Variants in TENM2 observed in about 807,000 individuals in gnomAD.
TENM2 encodes the protein teneurin-2.
Under a neutral mutation model 245.2 loss-of-function variants are expected in TENM2, and 52 were observed. The ratio of observed to expected loss-of-function variants is 0.21; its 90% CI spans 0.17 to 0.27. The LOEUF is 0.27. Among genes scored for constraint, TENM2 ranks in the 10% least tolerant of loss-of-function variants. TENM2 has a pLI of 1.00. For synonymous variants in TENM2, 1,363 were observed against 1,438.9 expected (o/e 0.95, Z 1.19); for missense variants, 3,046 against 3,666.8 (o/e 0.83, Z 4.37).
At chr5:167,517,097 G>T (rs1274996369) in intron 2 of TENM2, among the ~76,000 whole-genome samples, 2 of 152,134 alleles carry the variant, frequency 1.3e-5, no homozygotes, top group Admixed American at 1.3e-4. Context: ...ACTAGGAAAG[G>T]CTATAGAGGG....
At chr5:167,529,052 G>A (rs1051820676) in intron 2 of TENM2, among the ~76,000 whole-genome samples, 1 of 152,088 alleles carries the variant, frequency 6.6e-6, no homozygotes, top group African/African-American at 2.4e-5. Flanking sequence ...TCTAATAATG[G>A]TAAAGATAAT....
chr5:168,234,748 A>G (rs1765264299), intron 25 of TENM2, among the ~76,000 whole-genome samples: 1 of 152,244 alleles, frequency 6.6e-6, no homozygotes, highest in Non-Finnish European at 1.5e-5. Context: ...TGTAAAGGAA[A>G]GCATATAACC....
intron 2 of TENM2, among the ~76,000 whole-genome samples, chr5:167,676,523 T>G (rs1756340935): frequency 6.6e-6 from 1 of 152,088 alleles, no homozygotes; most frequent in African/African-American, 2.4e-5. Context: ...CAAAGCAATA[T>G]GGCAAGTATA....
chr5:167,795,676 G>T (rs1765267829), intron 2 of TENM2, among the ~76,000 whole-genome samples: 1 of 151,766 alleles, frequency 6.6e-6, no homozygotes, highest in Admixed American at 6.6e-5. Context: ...GTAAAAGAAA[G>T]AAAGAATTTC....
chr5:167,855,667 GAGGAAGGA>G (rs375990506), intron 2 of TENM2, among the ~76,000 whole-genome samples: 29 of 92,754 alleles, frequency 3.1e-4, no homozygotes, highest in South Asian at 5.5e-4. Flanking sequence ...GGAAGAAAGA[GAGGAAGGA>G]AGGAAGGAAG....
chr5:167,848,962 A>G (rs1227111495), intron 2 of TENM2, among the ~76,000 whole-genome samples: 6 of 152,188 alleles, frequency 3.9e-5, no homozygotes, highest in African/African-American at 9.6e-5. Context: ...TTAGTTTCCT[A>G]TTGCTGGTGT....
At chr5:168,183,877 C>T (rs1408299693) in intron 13 of TENM2, among the ~76,000 whole-genome samples, 4 of 151,962 alleles carry the variant, frequency 2.6e-5, no homozygotes, top group Non-Finnish European at 4.4e-5. Context: ...GACTCAGAAG[C>T]ACTTAGTAGG....
the TENM2 span, among the ~76,000 whole-genome samples, chr5:167,034,001 T>C: frequency 6.6e-6 from 1 of 152,180 alleles, no homozygotes; most frequent in Non-Finnish European, 1.5e-5. Flanking sequence ...TTAAAACAAG[T>C]ATTTAAAGAT....
chr5:167,958,939 A>T (rs1780775339), intron 4 of TENM2, among the ~76,000 whole-genome samples: 1 of 152,074 alleles, frequency 6.6e-6, no homozygotes, highest in Non-Finnish European at 1.5e-5. Flanking sequence ...AACCTTGGTG[A>T]ATCTGACGAT....
At chr5:167,613,140 C>T (rs1777580386) in intron 2 of TENM2, among the ~76,000 whole-genome samples, 1 of 152,140 alleles carries the variant, frequency 6.6e-6, no homozygotes, top group African/African-American at 2.4e-5. Flanking sequence ...CTTAAAAACC[C>T]ATGTTCTGGT....
At chr5:167,832,318 A>G (rs944238369) in intron 2 of TENM2, among the ~76,000 whole-genome samples, 5 of 152,222 alleles carry the variant, frequency 3.3e-5, no homozygotes, top group African/African-American at 4.8e-5. Context: ...CCCTTTTACA[A>G]TAGATAGACT....
chr5:168,263,015 T>C, downstream of TENM2: 1 of 520,202 alleles, frequency 1.9e-6, no homozygotes, highest in South Asian at 3.6e-5. Context: ...AAAGCCCGGC[T>C]GAAAATTCCG....
intron 13 of TENM2, among the ~76,000 whole-genome samples, chr5:168,176,681 G>C (rs1297352937): frequency 6.6e-6 from 1 of 152,186 alleles, no homozygotes. Context: ...AGAATCTAGG[G>C]CCATAATCAC....
At chr5:167,400,925 G>T (rs1468380479) in intron 2 of TENM2, among the ~76,000 whole-genome samples, 1 of 152,032 alleles carries the variant, frequency 6.6e-6, no homozygotes, top group Admixed American at 6.6e-5. Flanking sequence ...GTAGGTGCTT[G>T]ATTAAAATGC....
chr5:167,854,204 T>C (rs1302460023), intron 2 of TENM2, among the ~76,000 whole-genome samples: 1 of 152,242 alleles, frequency 6.6e-6, no homozygotes, highest in Non-Finnish European at 1.5e-5. Flanking sequence ...TAACATATTC[T>C]GTAATATATA....
At chr5:167,913,880 A>G (rs1561928012) in intron 3 of TENM2, among the ~76,000 whole-genome samples, 1 of 152,234 alleles carries the variant, frequency 6.6e-6, no homozygotes, top group Non-Finnish European at 1.5e-5. Context: ...TAAAATGGAC[A>G]TATGCACAGA....
intron 1 of TENM2, among the ~76,000 whole-genome samples, chr5:167,328,575 C>A (rs1255539130): frequency 6.6e-6 from 1 of 152,206 alleles, no homozygotes; most frequent in Admixed American, 6.5e-5. Context: ...CATTCCCCTA[C>A]AAGTGTCCCC....
At position 167,550,800 on chromosome 5, in the gene TENM2, G is replaced by T. The variant is rs113895082; in HGVS notation, c.502+175327G>T. ...GCTGGAATGCAGTGGTGTGATCTTGGCTCAGTGCAACCTCCACCTCCTGGG... is the reference window on the plus strand; with the variant it reads ...GCTGGAATGCAGTGGTGTGATCTTGTCTCAGTGCAACCTCCACCTCCTGGG... On this transcript the variant is annotated intron_variant, in intron 2 of 28. Transcript: ENST00000518659. Among the ~76,000 whole-genome samples, 811 of 143,350 alleles carry T rather than the reference G, an allele frequency of 5.7e-3. 13 individuals are homozygous for T. The highest frequency in any genetic ancestry group is 0.02 in the African/African-American group (777 of 39,082). The allele number at this position is 143,350 out of a possible 152,430, so 94.0% of individuals were successfully genotyped here.
chr5:167,673,048 T>G (rs956342822), intron 2 of TENM2, among the ~76,000 whole-genome samples: 1 of 151,984 alleles, frequency 6.6e-6, no homozygotes, highest in Non-Finnish European at 1.5e-5. Context: ...GATTCCAATA[T>G]CTTTAAGGCT....
Sources: allele counts gnomAD v4.1 joint callset (sites outside exome capture counted in the v4.1 genomes callset), GRCh38; gene constraint gnomAD v4.1.1; transcripts MANE v1.5; gene names NCBI Gene and HGNC (gene_info 2026-07-23, HGNC 2026-07-21).